Variants in PARP11 observed in about 807,000 individuals in gnomAD.
The protein encoded by PARP11 is protein mono-ADP-ribosyltransferase PARP11.
In PARP11, 31 loss-of-function variants were observed where a neutral mutation model predicts 42.9. The ratio of observed to expected loss-of-function variants is 0.72; its 90% confidence interval spans 0.54 to 0.98. The LOEUF is 0.98. PARP11 is among the 50% of genes least tolerant of loss of function. PARP11 has a pLI of 0.00. For synonymous variants in PARP11, 137 were observed against 127.3 expected (o/e 1.08, Z -0.51); for missense variants, 365 against 413.1 (o/e 0.88, Z 1.01).
intron 1 of PARP11, among the ~76,000 whole-genome samples, chr12:3,853,887 A>G (rs1183706210): frequency 6.6e-6 from 1 of 152,234 alleles, no homozygotes; most frequent in Non-Finnish European, 1.5e-5. Context: ...AGTTGGAAAT[A>G]AAGCATTCCT....
At position 3,842,936 on chromosome 12, in the gene PARP11, A is replaced by G. The variant is rs369641835; in HGVS notation, c.19-12918T>C. On this transcript the variant is annotated intron_variant, in intron 1 of 7. Coordinates refer to ENST00000228820, the MANE Select transcript of PARP11 (RefSeq NM_020367.6). ...ACCATTTGACACACTATAGATTCCA[A>G]ACATAACGTTGCACCAAATAGAAAT... Among the ~76,000 whole-genome samples the G allele has an allele frequency of 3.9e-5, 6 of 152,206 alleles. No individual in the cohort carries two copies. The East Asian group carries it at 9.6e-4, about 24-fold the overall frequency.
intron 1 of PARP11, among the ~76,000 whole-genome samples, chr12:3,844,486 A>C (rs1204897564): frequency 6.6e-6 from 1 of 152,208 alleles, no homozygotes; most frequent in Non-Finnish European, 1.5e-5. Context: ...TGATAGAAAC[A>C]CCAGATTTGA....
chr12:3,852,944 A>G (rs1033371422), intron 1 of PARP11, among the ~76,000 whole-genome samples: 1 of 152,190 alleles, frequency 6.6e-6, no homozygotes, highest in Non-Finnish European at 1.5e-5. Flanking sequence ...CTCGGCAGAA[A>G]CTCTACAAGC....
Position 3,829,974 on chromosome 12 carries a change from G to A in PARP11, c.63C>T (p.Asn21=). The A allele has an allele frequency of 6.2e-7, 1 of 1,613,634 alleles. No individual in the cohort carries two copies. The highest frequency in any genetic ancestry group is 8.5e-7 in the Non-Finnish European group (1 of 1,179,610). ...ACGTGTCCATGTCATCCACTTCATT[G>A]TTTGTTGTTTTAGAAAATAATTCTT... is the stretch of plus-strand genomic sequence containing the variant. The part of the protein sequence containing the change: ...KAEELFSKTT[N]NEVDDMDTSD... The change falls in exon 2 of 8, where the codon AAC becomes AAT. Residue 21 remains asparagine (N), a synonymous_variant. Coordinates refer to ENST00000228820, the MANE Select transcript of PARP11 (RefSeq NM_020367.6).
intron 1 of PARP11, chr12:3,839,443 C>T (rs1231791956): frequency 1.9e-6 from 3 of 1,605,522 alleles, no homozygotes; most frequent in Non-Finnish European, 1.7e-6. Context: ...GTGCCTGTTC[C>T]GGGCCGTGGC....
At chr12:3,849,726 C>T (rs1323829448) in intron 1 of PARP11, among the ~76,000 whole-genome samples, 1 of 151,940 alleles carries the variant, frequency 6.6e-6, no homozygotes, top group African/African-American at 2.4e-5. Context: ...GAAATAAGAC[C>T]TAGAAGTGAT....
intron 1 of PARP11, among the ~76,000 whole-genome samples, chr12:3,868,216 T>C (rs964728639): frequency 6.6e-5 from 10 of 152,174 alleles, no homozygotes; most frequent in African/African-American, 2.2e-4. Flanking sequence ...ATCCCACCAC[T>C]TTGGGAGGCC....
intron 1 of PARP11, among the ~76,000 whole-genome samples, chr12:3,857,675 GA>G (rs1252582760): frequency 6.6e-6 from 1 of 151,636 alleles, no homozygotes; most frequent in Admixed American, 6.6e-5. Context: ...TGTATCACCA[GA>G]AACCTCTTTT....
intron 6 of PARP11, among the ~76,000 whole-genome samples, chr12:3,820,596 G>A (rs1473537900): frequency 6.6e-6 from 1 of 152,114 alleles, no homozygotes; most frequent in Non-Finnish European, 1.5e-5. Flanking sequence ...CTCAAGTTAT[G>A]GGGGAGACCA....
chr12:3,815,449 A>G (rs1019086197), intron 6 of PARP11, among the ~76,000 whole-genome samples: 4 of 152,188 alleles, frequency 2.6e-5, no homozygotes, highest in African/African-American at 9.7e-5. Context: ...AAATTTGAAC[A>G]CCTACCTAGG....
Position 3,812,267 on chromosome 12 carries a change from G to C in PARP11, c.873C>G (p.Asp291Glu), listed in dbSNP as rs1320819779. The C allele has an allele frequency of 1.2e-6, 2 of 1,614,194 alleles. No individual in the cohort carries two copies. Among genetic ancestry groups the C allele is most frequent in the Non-Finnish European group, 1.7e-6 (2 of 1,180,024 alleles). ...TGGAAGGAGGTCGCATGTATTTGGA[G>C]TCTCCGTTTATGTAATCTCCAATTA... ...RVLIGDYING[D>E]SKYMRPPSKD... The change falls in exon 8 of 8, where the codon GAC (aspartate) becomes GAG (glutamate). Residue 291 changes from aspartate (D) to glutamate (E), a missense_variant. Asp to Glu is a conservative substitution (Grantham distance 45, BLOSUM62 2). Coordinates refer to ENST00000228820, the MANE Select transcript of PARP11 (RefSeq NM_020367.6).
intron 3 of PARP11, among the ~76,000 whole-genome samples, chr12:3,828,544 CAAAA>C (rs543241542): frequency 1.3e-5 from 1 of 75,932 alleles, no homozygotes; most frequent in Non-Finnish European, 2.9e-5. Flanking sequence ...TGAGACGTCT[CAAAA>C]AAAAAAAAAA....
At chr12:3,819,539 C>T (rs1239070018) in intron 6 of PARP11, among the ~76,000 whole-genome samples, 1 of 152,146 alleles carries the variant, frequency 6.6e-6, no homozygotes, top group East Asian at 1.9e-4. Context: ...CCAAATGTCC[C>T]CCAGCAGGTA....
intron 1 of PARP11, among the ~76,000 whole-genome samples, chr12:3,857,691 C>T (rs1202371699): frequency 6.6e-6 from 1 of 151,764 alleles, no homozygotes; most frequent in African/African-American, 2.4e-5. Flanking sequence ...TCTTTTCTGA[C>T]TAGTTTCACA....
At chr12:3,816,853 G>A (rs1029312501) in intron 6 of PARP11, among the ~76,000 whole-genome samples, 1 of 152,142 alleles carries the variant, frequency 6.6e-6, no homozygotes, top group African/African-American at 2.4e-5. Flanking sequence ...AATGAGCTGA[G>A]ATTGTGCCAC....
intron 1 of PARP11, among the ~76,000 whole-genome samples, chr12:3,866,592 T>G (rs748515338): frequency 6.6e-6 from 1 of 152,204 alleles, no homozygotes; most frequent in Non-Finnish European, 1.5e-5. Context: ...TGTTGATACA[T>G]TCATATCAGC....
At chr12:3,818,874 C>T (rs1258622749) in intron 6 of PARP11, among the ~76,000 whole-genome samples, 1 of 152,164 alleles carries the variant, frequency 6.6e-6, no homozygotes, top group Admixed American at 6.5e-5. Context: ...TGTCAGTTTC[C>T]TCCTTGGGTT....
chr12:3,823,414 T>C (rs1312379769), intron 4 of PARP11, among the ~76,000 whole-genome samples: 1 of 152,180 alleles, frequency 6.6e-6, no homozygotes, highest in Non-Finnish European at 1.5e-5. Context: ...TTTTTGGTTT[T>C]TACTTCATAG....
intron 1 of PARP11, chr12:3,872,765 G>A: frequency 1.0e-6 from 1 of 985,380 alleles, no homozygotes; most frequent in Non-Finnish European, 1.2e-6. Context: ...TCCAAGGCCA[G>A]TTACTCCAAT....
Sources: gnomAD v4.1 joint callset for allele counts (sites outside exome capture counted in the v4.1 genomes callset) on GRCh38, gnomAD v4.1.1 for gene constraint, MANE v1.5 for transcripts, NCBI Gene and HGNC (gene_info 2026-07-23, HGNC 2026-07-21) for gene names.